ASCC3: variants seen among roughly 807,000 people sequenced by gnomAD.
ASCC3 encodes the protein ASC-1 complex subunit P200.
A neutral mutation model predicts 256.3 loss-of-function variants in ASCC3; 158 were observed. That is an observed-to-expected ratio of 0.62 (90% CI 0.54 to 0.70). The LOEUF is 0.70. ASCC3 is among the 30% of genes least tolerant of loss of function. The pLI is 0.00. For synonymous variants in ASCC3, 948 were observed against 883.4 expected, an observed-to-expected ratio of 1.07 and a Z score of -1.30; for missense variants, 2,259 against 2,626.0, an observed-to-expected ratio of 0.86 and a Z score of 3.05.
chr6:100,634,451 G>A (rs1451258586), intron 25 of ASCC3, among the ~76,000 whole-genome samples: 1 of 152,032 alleles, frequency 6.6e-6, no homozygotes, highest in Admixed American at 6.6e-5. Flanking sequence ...GGCATCCATC[G>A]GGGTTTTGGA....
chr6:100,794,531 C>G (rs923882197), intron 8 of ASCC3, among the ~76,000 whole-genome samples: 1 of 151,982 alleles, frequency 6.6e-6, no homozygotes, highest in Admixed American at 6.6e-5. Context: ...ACAACATAAC[C>G]CAACTGTACC....
At chr6:100,708,753 G>A (rs971480700) in intron 13 of ASCC3, among the ~76,000 whole-genome samples, 1 of 151,924 alleles carries the variant, frequency 6.6e-6, no homozygotes, top group African/African-American at 2.4e-5. Flanking sequence ...CAACTGGCTA[G>A]GATATATATG....
In ASCC3 at chr6:100,668,579, G is replaced by A. The variant is rs72941243; in HGVS notation, c.2287-6043C>T. Among the ~76,000 whole-genome samples the A allele has an allele frequency of 8.5e-3, 1,298 of 151,950 alleles. 22 individuals carry two copies. Among genetic ancestry groups the A allele is most frequent in the South Asian group, 0.043 (206 of 4,824 alleles). ...GAACACTTAAACTGATTCTACAAGC[G>A]AATATAATGGCACTGATATTAAAAC... On this transcript the variant is annotated intron_variant, in intron 14 of 41. Transcript: ENST00000369162.
Position 100,589,653 on chromosome 6 carries a change from T to C in ASCC3, c.5531A>G (p.Glu1844Gly). 1 of 1,613,580 alleles carries C rather than the reference T, an allele frequency of 6.2e-7. No individual in the cohort carries two copies. Among genetic ancestry groups the C allele is most frequent in the Non-Finnish European group, 8.5e-7 (1 of 1,179,744 alleles). ...ACTCACACTTAGAATTGAAAGCAGTTCTTCAGTACTGCATTCAGGCTTCAA... is the reference window on the plus strand; with the variant it reads ...ACTCACACTTAGAATTGAAAGCAGTCCTTCAGTACTGCATTCAGGCTTCAA... ...DRLKPECSTEELLSILSDAEE... is the reference protein window; with the variant it reads ...DRLKPECSTEGLLSILSDAEE... Residue 1844 changes from glutamate to glycine, a missense_variant, in exon 36 of 42, where the codon GAA (glutamate) becomes GGA (glycine). Physicochemically the swap from Glu to Gly is moderately conservative, Grantham distance 98. Around this residue, in one of 2 missense-constraint regions of ASCC3, gnomAD observed 1,839 missense variants for 2,206.7 expected, o/e 0.83. Transcript: ENST00000369162.
chr6:100,625,160 G>C, intron 30 of ASCC3, 32 bp downstream of exon 30: 1 of 1,609,632 alleles, frequency 6.2e-7, no homozygotes, highest in Non-Finnish European at 8.5e-7. Context: ...CCTGAAACGT[G>C]TAAGTAGTAG....
chr6:100,686,073 A>G (rs1449407542), intron 13 of ASCC3, among the ~76,000 whole-genome samples: 1 of 152,198 alleles, frequency 6.6e-6, no homozygotes, highest in African/African-American at 2.4e-5. Context: ...ATTGAGCCCA[A>G]TCAAACACAC....
chr6:100,646,850 A>T, intron 21 of ASCC3, 81 bp from the exon 22 acceptor site: 3 of 1,398,588 alleles, frequency 2.1e-6, no homozygotes, highest in Non-Finnish European at 3.0e-6. Context: ...GGGATTTCAG[A>T]GAAGGTGATT....
In ASCC3 at chr6:100,627,714, G is replaced by T; in HGVS notation, c.4522-4C>A. The T allele has an allele frequency of 6.2e-7, 1 of 1,613,320 alleles. No homozygotes were observed. The highest frequency in any genetic ancestry group is 2.2e-5 in the East Asian group (1 of 44,802). On this transcript the variant is annotated splice_polypyrimidine_tract_variant and splice_region_variant and intron_variant, in intron 28 of 41. Coordinates refer to ENST00000369162, the MANE Select transcript of ASCC3 (RefSeq NM_006828.4). ...GTCGGAAGTTAAACAAGCCCATCTA[G>T]AGTAAATATGAGAGAGAAACCATTT...
intron 4 of ASCC3, among the ~76,000 whole-genome samples, chr6:100,813,325 G>A (rs973971344): frequency 1.3e-5 from 2 of 151,996 alleles, no homozygotes; most frequent in Non-Finnish European, 2.9e-5. Flanking sequence ...GGGCTTGGTG[G>A]CGCATGCTTA....
chr6:100,843,908 A>G (rs1377308341), intron 4 of ASCC3, among the ~76,000 whole-genome samples: 1 of 151,972 alleles, frequency 6.6e-6, no homozygotes, highest in Non-Finnish European at 1.5e-5. Context: ...CTGTGCAACT[A>G]TATGGTGCAA....
At chr6:100,683,606 G>T (rs1777411765) in intron 13 of ASCC3, among the ~76,000 whole-genome samples, 1 of 152,016 alleles carries the variant, frequency 6.6e-6, no homozygotes, top group African/African-American at 2.4e-5. Flanking sequence ...TAATAGGACA[G>T]CATTGTTTCA....
intron 40 of ASCC3, 164 bp from the exon 41 acceptor site, chr6:100,510,271 T>G: frequency 1.4e-6 from 1 of 704,046 alleles, no homozygotes; most frequent in African/African-American, 1.8e-5. Context: ...TTTGGTGTCT[T>G]TGATATGCAA....
At chr6:100,561,181 A>G (rs1582450919) in intron 36 of ASCC3, among the ~76,000 whole-genome samples, 1 of 152,218 alleles carries the variant, frequency 6.6e-6, no homozygotes, top group East Asian at 1.9e-4. Context: ...TGTATTTAAC[A>G]GGACTCTATC....
intron 4 of ASCC3, among the ~76,000 whole-genome samples, chr6:100,846,795 A>T (rs1023930691): frequency 6.6e-6 from 1 of 152,162 alleles, no homozygotes; most frequent in Non-Finnish European, 1.5e-5. Flanking sequence ...TAACACCTCT[A>T]TAAAATCTAT....
intron 36 of ASCC3, 37 bp downstream of exon 36, chr6:100,589,597 A>G: frequency 6.8e-6 from 11 of 1,611,160 alleles, no homozygotes; most frequent in Non-Finnish European, 9.3e-6. Flanking sequence ...TAAGCCCTAA[A>G]TTAAAAGAGA....
chr6:100,568,368 GA>G (rs775239213), intron 36 of ASCC3, among the ~76,000 whole-genome samples: 1,294 of 126,204 alleles, frequency 0.01, 9 homozygotes, highest in Admixed American at 0.033. Context: ...ACTCTTGTCT[GA>G]AAAAAAAAAA....
chr6:100,723,870 A>ATATATATATAT (rs1779465347), intron 11 of ASCC3, among the ~76,000 whole-genome samples: 1 of 31,568 alleles, frequency 3.2e-5, no homozygotes, highest in African/African-American at 1.9e-4. Context: ...TTATATATAT[A>ATATATATATAT]TATATATATA....
chr6:100,864,431 GCTT>G (rs1368429251), intron 2 of ASCC3, among the ~76,000 whole-genome samples: 2 of 152,112 alleles, frequency 1.3e-5, no homozygotes, highest in African/African-American at 2.4e-5. Context: ...TTTAATAAAA[GCTT>G]CTTTTTACAG....
chr6:100,836,747 C>T (rs1480409309), intron 4 of ASCC3, among the ~76,000 whole-genome samples: 1 of 152,038 alleles, frequency 6.6e-6, no homozygotes, highest in Non-Finnish European at 1.5e-5. Flanking sequence ...CAGGATAGTG[C>T]TTAGCCTGTA....
Sources: allele counts gnomAD v4.1 joint callset (sites outside exome capture counted in the v4.1 genomes callset), GRCh38; gene constraint gnomAD v4.1.1; regional missense constraint gnomAD v4.1.1; transcripts MANE v1.5; gene names NCBI Gene and HGNC (gene_info 2026-07-23, HGNC 2026-07-21).